Variants in ANKFN1 observed in about 807,000 individuals in gnomAD.
The protein encoded by ANKFN1 is ankyrin repeat and fibronectin type-III domain-containing protein 1.
Under a neutral mutation model 108.7 loss-of-function variants are expected in ANKFN1, and 74 were observed. The observed-to-expected ratio is 0.68, with a 90% CI of 0.56 to 0.83. ANKFN1 has a LOEUF of 0.83. Among genes scored for constraint, ANKFN1 ranks in the 40% least tolerant of loss-of-function variants. The probability of loss-of-function intolerance (pLI) is 0.00; values close to 1 mark genes in which losing one functional copy is unlikely to be tolerated. For synonymous variants in ANKFN1, 547 were observed against 516.2 expected (o/e 1.06, Z -0.81); for missense variants, 1,505 against 1,382.3 (o/e 1.09, Z -1.41).
intron 4 of ANKFN1, among the ~76,000 whole-genome samples, chr17:56,328,551 T>A (rs1304355919): frequency 6.6e-6 from 1 of 152,210 alleles, no homozygotes; most frequent in African/African-American, 2.4e-5. Flanking sequence ...TTATTCTGCT[T>A]TGTATTTGCT....
chr17:56,079,502 C>T (rs535099859), intron 4 of ANKFN1, among the ~76,000 whole-genome samples: 1 of 152,034 alleles, frequency 6.6e-6, no homozygotes, highest in Non-Finnish European at 1.5e-5. Context: ...TCCTCACAAG[C>T]CAGGCACAGT....
intron 8 of ANKFN1, among the ~76,000 whole-genome samples, chr17:56,415,919 A>G (rs771323756): frequency 6.6e-6 from 1 of 152,186 alleles, no homozygotes; most frequent in Non-Finnish European, 1.5e-5. Flanking sequence ...ATACACCTAC[A>G]GTAAGCTCAT....
intron 3 of ANKFN1, among the ~76,000 whole-genome samples, chr17:56,273,476 A>G (rs575484698): frequency 2.6e-5 from 4 of 152,264 alleles, no homozygotes; most frequent in Non-Finnish European, 5.9e-5. Flanking sequence ...AGTTAAAAAC[A>G]ATGGAAATTT....
rs568555401 is a variant in ANKFN1 at position 56,472,214 on chromosome 17, A to G, written c.1774-5274A>G. 2.6e-5 allele frequency: 4 copies of G among 152,280 alleles called. No individual in the cohort carries two copies. In the South Asian group the frequency reaches 8.3e-4, roughly 32 times the overall value. The allele number at this position is 152,280 out of a possible 1,614,324, so 9.4% of individuals were successfully genotyped here. ...GTTTTGAAGAGAAGTTGAAAATCAA[A>G]AATTTTGGTAAAGTCTTTTTATTTT... On this transcript the variant is annotated intron_variant, in intron 15 of 20. Coordinates refer to ENST00000682825, the MANE Select transcript of ANKFN1 (RefSeq NM_001370326.1).
chr17:56,229,836 G>C (rs1916591859), intron 3 of ANKFN1, among the ~76,000 whole-genome samples: 1 of 151,966 alleles, frequency 6.6e-6, no homozygotes, highest in South Asian at 2.1e-4. Context: ...CTTGCACTGG[G>C]ATTATAAACA....
At chr17:56,391,692 C>T (rs1281920302) in intron 8 of ANKFN1, among the ~76,000 whole-genome samples, 4 of 152,016 alleles carry the variant, frequency 2.6e-5, no homozygotes, top group Non-Finnish European at 5.9e-5. Context: ...TCCCAAAGTG[C>T]TGGGATTACA....
intron 18 of ANKFN1, among the ~76,000 whole-genome samples, chr17:56,482,915 C>T (rs894097206): frequency 1.2e-4 from 18 of 152,048 alleles, no homozygotes; most frequent in African/African-American, 3.6e-4. Context: ...CTTCCTTTCT[C>T]TCTCCTTTCC....
At chr17:56,403,309 A>G (rs867181999) in intron 8 of ANKFN1, among the ~76,000 whole-genome samples, 6 of 152,126 alleles carry the variant, frequency 3.9e-5, no homozygotes, top group Non-Finnish European at 8.8e-5. Flanking sequence ...TAAGTCCCCT[A>G]CTATTATTGT....
At chr17:56,275,740 C>T (rs2043912365) in intron 3 of ANKFN1, among the ~76,000 whole-genome samples, 1 of 152,076 alleles carries the variant, frequency 6.6e-6, no homozygotes, top group Non-Finnish European at 1.5e-5. Flanking sequence ...AAGAAATGGA[C>T]TTAGTACCTA....
In ANKFN1 at chr17:56,093,457, C is replaced by T. The variant is rs368526086; in HGVS notation, c.288+47132C>T. On this transcript the variant is annotated intron_variant, in intron 4 of 12. Transcript: ENST00000635860. Reference sequence around the variant, plus strand: ...AAGATTTTAAGCATCAGGCAGTCTTCCCATTTGCTTATGCACAATTTCCTT... The same window carrying T: ...AAGATTTTAAGCATCAGGCAGTCTTTCCATTTGCTTATGCACAATTTCCTT... Among the ~76,000 whole-genome samples the T allele has an allele frequency of 2.0e-5, 3 of 151,326 alleles. No individual in the cohort carries two copies. The East Asian group carries it at 5.8e-4, about 29-fold the overall frequency.
intron 3 of ANKFN1, chr17:56,257,888 C>T (rs2043399048): frequency 6.6e-6 from 1 of 152,218 alleles, no homozygotes. Flanking sequence ...TCTAACCCCT[C>T]CACCTTCTAA....
In ANKFN1 at chr17:56,440,267, T is replaced by C. The variant is rs569706684; in HGVS notation, c.911-60T>C. ...CTAGAGTTTCTATGGTACTTCTTGATGTGTGACTGAATTTTATTCTCCCTC... is the reference window on the plus strand; with the variant it reads ...CTAGAGTTTCTATGGTACTTCTTGACGTGTGACTGAATTTTATTCTCCCTC... On this transcript the variant is annotated intron_variant, in intron 8 of 20. Transcript: ENST00000682825. 2.7e-5 allele frequency: 28 copies of C among 1,045,144 alleles called. No homozygotes were observed. The African/African-American group carries it at 3.1e-4, about 12-fold the overall frequency. 64.7% of individuals were successfully genotyped at this position (1,045,144 alleles called of 1,614,324 possible). A position where few individuals can be genotyped will look rare whatever the true frequency, so the allele number is the denominator to read the frequency against.
At chr17:56,371,480 T>C (rs1051181650) in intron 6 of ANKFN1, among the ~76,000 whole-genome samples, 1 of 152,226 alleles carries the variant, frequency 6.6e-6, no homozygotes, top group Non-Finnish European at 1.5e-5. Flanking sequence ...TGAGTTATCT[T>C]CACAATATTT....
chr17:56,063,636 T>C (rs746769465), intron 4 of ANKFN1, among the ~76,000 whole-genome samples: 1 of 152,018 alleles, frequency 6.6e-6, no homozygotes, highest in East Asian at 1.9e-4. Context: ...TTACTGTAGT[T>C]AGCAGTTCCT....
At chr17:56,369,559 T>A (rs1185525240) in intron 6 of ANKFN1, among the ~76,000 whole-genome samples, 1 of 152,224 alleles carries the variant, frequency 6.6e-6, no homozygotes, top group Non-Finnish European at 1.5e-5. Flanking sequence ...AATTGTCATA[T>A]TTACTTGCTT....
intron 4 of ANKFN1, among the ~76,000 whole-genome samples, chr17:56,049,225 A>G (rs74858183): frequency 0.035 from 5,349 of 152,132 alleles, 278 homozygotes; most frequent in African/African-American, 0.11. Flanking sequence ...TGCTTCAGTG[A>G]TTATCTCTTT....
At chr17:56,448,839 A>G (rs1400371159) in intron 10 of ANKFN1, among the ~76,000 whole-genome samples, 1 of 152,056 alleles carries the variant, frequency 6.6e-6, no homozygotes, top group African/African-American at 2.4e-5. Context: ...TTCAATTACC[A>G]TTTTCTCTTG....
At chr17:56,352,013 C>T (rs1377286391) in intron 5 of ANKFN1, among the ~76,000 whole-genome samples, 4 of 152,100 alleles carry the variant, frequency 2.6e-5, no homozygotes, top group African/African-American at 4.8e-5. Flanking sequence ...AACAAATACA[C>T]GACTGTGGAC....
chr17:56,106,640 A>G (rs572076553), intron 4 of ANKFN1, among the ~76,000 whole-genome samples: 46 of 152,296 alleles, frequency 3.0e-4, no homozygotes, highest in Non-Finnish European at 5.4e-4. Context: ...TAATCATGAC[A>G]TGTTGGCAAG....
Sources: allele counts gnomAD v4.1 joint callset (sites outside exome capture counted in the v4.1 genomes callset), GRCh38; gene constraint gnomAD v4.1.1; transcripts MANE v1.5; gene names NCBI Gene and HGNC (gene_info 2026-07-23, HGNC 2026-07-21).